CSMD1: variants seen among roughly 807,000 people sequenced by gnomAD.
CSMD1 encodes CUB and Sushi multiple domains 1, also known as CUB and sushi domain-containing protein 1.
CSMD1 carries 213 observed loss-of-function variants against 417.5 expected under a neutral mutation model. That is an observed-to-expected ratio of 0.51 (90% CI 0.46 to 0.57). The LOEUF is 0.57. Ranked by LOEUF, CSMD1 falls within the 20% of genes least tolerant of loss-of-function variation. The pLI, the probability that CSMD1 is intolerant of heterozygous loss-of-function variation, is 0.00. For missense variants in CSMD1, 6,923 were observed against 4,529.7 expected, an observed-to-expected ratio of 1.53 and a Z score of -15.17; for synonymous variants, 2,862 against 1,736.8, an observed-to-expected ratio of 1.65 and a Z score of -16.11.
chr8:4,572,193 T>C (rs1245943516), intron 2 of CSMD1, among the ~76,000 whole-genome samples: 1 of 152,224 alleles, frequency 6.6e-6, no homozygotes, highest in Non-Finnish European at 1.5e-5. Flanking sequence ...CAATAGTTGA[T>C]GCAGTTTCTT....
At chr8:3,917,051 G>C (rs1186402543) in intron 5 of CSMD1, among the ~76,000 whole-genome samples, 2 of 151,894 alleles carry the variant, frequency 1.3e-5, no homozygotes, top group Non-Finnish European at 2.9e-5. Context: ...TCCTCTTTTT[G>C]AATGTTACAT....
chr8:3,327,333 C>G (rs1029728101), intron 23 of CSMD1, among the ~76,000 whole-genome samples: 1 of 152,162 alleles, frequency 6.6e-6, no homozygotes, highest in South Asian at 2.1e-4. Flanking sequence ...TGGGGTTTCA[C>G]CATGTTAACC....
At chr8:4,559,210 C>T (rs1779547387) in intron 2 of CSMD1, among the ~76,000 whole-genome samples, 1 of 152,050 alleles carries the variant, frequency 6.6e-6, no homozygotes, top group Admixed American at 6.6e-5. Context: ...TCTCTTATGA[C>T]TTTAAGTTGG....
chr8:3,029,395 G>A lies in CSMD1; in HGVS notation c.7779C>T (p.Tyr2593=). 1 of 1,611,878 alleles carries A rather than the reference G, an allele frequency of 6.2e-7. No homozygotes were observed. Among genetic ancestry groups the A allele is most frequent in the South Asian group, 1.1e-5 (1 of 90,774 alleles). ...ACCGCAGGAGCCTCCAGCCTTCTAA[G>A]TAGTAACCAGGACTGCAGCTCAGCA... The part of the protein sequence containing the change: ...QVLLSCSPGY[Y]LEGWRLLRCQ... The change falls in exon 51 of 70, where the codon TAC becomes TAT. Residue 2593 remains tyrosine (Y), a synonymous_variant. Transcript: ENST00000635120.
chr8:3,411,669 CGTGTATATAT>C lies in CSMD1; in HGVS notation c.1562-2074_1562-2065del. On this transcript the variant is annotated intron_variant, in intron 12 of 69. Coordinates refer to ENST00000635120, the MANE Select transcript of CSMD1 (RefSeq NM_033225.6). ...TAGTAGTCCATCATATATATATATA[CGTGTATATAT>C]ACGTGTATATATACACACGTATATA... Among the ~76,000 whole-genome samples, 2 of 102,260 alleles carry C rather than the reference CGTGTATATAT, an allele frequency of 2.0e-5. 1 individual carries two copies. The highest frequency in any genetic ancestry group is 6.7e-4 in the South Asian group (2 of 2,998). 67.1% of individuals were successfully genotyped at this position (102,260 alleles called of 152,430 possible). A position where few individuals can be genotyped will look rare whatever the true frequency, so the allele number is the denominator to read the frequency against.
chr8:3,695,929 G>A (rs529596275), intron 7 of CSMD1, among the ~76,000 whole-genome samples: 13 of 152,122 alleles, frequency 8.5e-5, no homozygotes, highest in East Asian at 7.7e-4. Context: ...ATCTTTGTAG[G>A]AACAAGACAA....
intron 3 of CSMD1, among the ~76,000 whole-genome samples, chr8:4,139,216 G>T (rs1432777827): frequency 2.0e-5 from 3 of 152,168 alleles, no homozygotes; most frequent in Non-Finnish European, 4.4e-5. Context: ...AAATAAGAGT[G>T]TCCTAGTGGT....
intron 26 of CSMD1, among the ~76,000 whole-genome samples, chr8:3,273,838 C>G (rs1310778024): frequency 2.0e-5 from 3 of 152,020 alleles, no homozygotes; most frequent in Non-Finnish European, 2.9e-5. Context: ...CTTAGTCTTG[C>G]TAGTGGTCTA....
intron 1 of CSMD1, among the ~76,000 whole-genome samples, chr8:4,656,463 T>C (rs796235461): frequency 1.3e-4 from 20 of 152,226 alleles, no homozygotes; most frequent in Middle Eastern, 3.4e-3. Flanking sequence ...ACTTAACCTT[T>C]GCTGATAAGA....
intron 25 of CSMD1, among the ~76,000 whole-genome samples, chr8:3,296,297 C>G (rs371661455): frequency 1.3e-5 from 2 of 151,458 alleles, no homozygotes; most frequent in Non-Finnish European, 2.9e-5. Flanking sequence ...AGAAGCCCCA[C>G]GTAAGGGGCA....
chr8:3,546,263 T>C (rs1228358894), intron 10 of CSMD1, among the ~76,000 whole-genome samples: 1 of 114,932 alleles, frequency 8.7e-6, no homozygotes, highest in Non-Finnish European at 1.8e-5. Flanking sequence ...GAATTTTTCC[T>C]CTATTATTAA....
intron 3 of CSMD1, among the ~76,000 whole-genome samples, chr8:4,102,852 T>C (rs149674081): frequency 8.6e-4 from 131 of 152,298 alleles, no homozygotes; most frequent in African/African-American, 3.0e-3. Context: ...GGAAGGAATC[T>C]ATCCTGAGAA....
intron 41 of CSMD1, among the ~76,000 whole-genome samples, chr8:3,125,422 G>A (rs1817451928): frequency 6.6e-6 from 1 of 152,130 alleles, no homozygotes; most frequent in African/African-American, 2.4e-5. Flanking sequence ...CCTCATAAAT[G>A]GGTTGTAAAC....
chr8:4,659,144 A>T (rs987917651), intron 1 of CSMD1, among the ~76,000 whole-genome samples: 1 of 152,190 alleles, frequency 6.6e-6, no homozygotes, highest in Non-Finnish European at 1.5e-5. Flanking sequence ...AAGAAATTCC[A>T]TGAGAAAATA....
At chr8:4,195,662 GA>G (rs1320667562) in intron 3 of CSMD1, among the ~76,000 whole-genome samples, 2 of 152,184 alleles carry the variant, frequency 1.3e-5, no homozygotes, top group African/African-American at 4.8e-5. Context: ...TTCTAGGCAT[GA>G]TGAAGCAGAG....
intron 25 of CSMD1, among the ~76,000 whole-genome samples, chr8:3,291,477 G>A (rs1803554397): frequency 6.6e-6 from 1 of 152,136 alleles, no homozygotes; most frequent in East Asian, 1.9e-4. Flanking sequence ...TGGTTGGTAA[G>A]CTATTGATTA....
intron 8 of CSMD1, among the ~76,000 whole-genome samples, chr8:3,596,222 G>T (rs1035047876): frequency 2.6e-5 from 4 of 152,174 alleles, no homozygotes; most frequent in African/African-American, 9.7e-5. Context: ...CCGGCAGCCT[G>T]CACCACCGTC....
chr8:3,840,660 G>A (rs1803072372), intron 5 of CSMD1, among the ~76,000 whole-genome samples: 1 of 151,134 alleles, frequency 6.6e-6, no homozygotes, highest in African/African-American at 2.4e-5. Flanking sequence ...GGATATTGAG[G>A]TCACTATACA....
chr8:4,762,883 C>A (rs1189973264), intron 1 of CSMD1, among the ~76,000 whole-genome samples: 1 of 152,136 alleles, frequency 6.6e-6, no homozygotes, highest in African/African-American at 2.4e-5. Context: ...TTAGGCATCT[C>A]ATTTATACAC....
Sources: allele counts gnomAD v4.1 joint callset (sites outside exome capture counted in the v4.1 genomes callset), GRCh38; gene constraint gnomAD v4.1.1; transcripts MANE v1.5; gene names NCBI Gene and HGNC (gene_info 2026-07-23, HGNC 2026-07-21).